Variants in NTM observed in about 807,000 individuals in gnomAD.
NTM encodes neurotrimin.
In NTM, 13 loss-of-function variants were observed where a neutral mutation model predicts 42.1. That is an observed-to-expected ratio of 0.31 (90% CI 0.20 to 0.49). The LOEUF is 0.49. Among genes scored for constraint, NTM ranks in the 20% least tolerant of loss-of-function variants. NTM has a pLI of 0.99. For synonymous variants in NTM, 187 were observed against 179.2 expected (o/e 1.04, Z -0.35); for missense variants, 373 against 452.8 (o/e 0.82, Z 1.60).
At chr11:131,935,932 C>T (rs1205687355) in intron 2 of NTM, among the ~76,000 whole-genome samples, 1 of 152,052 alleles carries the variant, frequency 6.6e-6, no homozygotes, top group Admixed American at 6.6e-5. Flanking sequence ...CTTAAATCAG[C>T]ATTAAAGTAC....
At chr11:131,382,900 T>A (rs1035775124) in intron 1 of NTM, among the ~76,000 whole-genome samples, 10 of 152,042 alleles carry the variant, frequency 6.6e-5, no homozygotes, top group Non-Finnish European at 1.3e-4. Context: ...ATTCAATTAT[T>A]GTGTTAGTTT....
At chr11:132,319,649 C>T (rs1409360202) in intron 7 of NTM, among the ~76,000 whole-genome samples, 1 of 152,260 alleles carries the variant, frequency 6.6e-6, no homozygotes, top group Non-Finnish European at 1.5e-5. Flanking sequence ...GAGCCCACCA[C>T]AGCTCCAGGA....
chr11:132,118,454 T>C (rs1279388121), intron 2 of NTM, among the ~76,000 whole-genome samples: 2 of 152,218 alleles, frequency 1.3e-5, no homozygotes, highest in African/African-American at 2.4e-5. Flanking sequence ...ATCTTGACTT[T>C]GCAAGGAAGA....
chr11:131,677,728 G>T (rs1180573631), intron 1 of NTM, among the ~76,000 whole-genome samples: 1 of 152,216 alleles, frequency 6.6e-6, no homozygotes, highest in African/African-American at 2.4e-5. Flanking sequence ...CAGAGATAGA[G>T]TTTCAGAGAG....
At chr11:131,874,399 C>CAA (rs200522565) in intron 1 of NTM, among the ~76,000 whole-genome samples, 1 of 151,608 alleles carries the variant, frequency 6.6e-6, no homozygotes, top group African/African-American at 2.4e-5. Context: ...TTTTTAAAAA[C>CAA]AAAAAAACCA....
At chr11:131,907,942 G>A (rs1291791811) in intron 1 of NTM, among the ~76,000 whole-genome samples, 1 of 152,194 alleles carries the variant, frequency 6.6e-6, no homozygotes. Flanking sequence ...TAGCCGGTTT[G>A]AATAAAATGG....
intron 1 of NTM, among the ~76,000 whole-genome samples, chr11:131,689,713 C>T (rs1161556720): frequency 6.6e-6 from 1 of 152,156 alleles, no homozygotes; most frequent in African/African-American, 2.4e-5. Flanking sequence ...TCCTCTCTGT[C>T]CCATCTCCCC....
At chr11:131,737,712 A>G (rs1205839404) in intron 1 of NTM, among the ~76,000 whole-genome samples, 1 of 152,018 alleles carries the variant, frequency 6.6e-6, no homozygotes, top group Non-Finnish European at 1.5e-5. Context: ...TGCCTCTGCA[A>G]ATATCTTCCG....
Position 131,706,999 on chromosome 11 carries a change from AAATTTTACTTTTT to A in NTM, c.83-204561_83-204549del, listed in dbSNP as rs547662126. The stretch of plus-strand genomic sequence containing the variant: ...TCATTTCTTTGTGATGATAACTTTT[AAATTTTACTTTTT>A]AATAACTTCAAAATATACATTATTA... On this transcript the variant is annotated intron_variant, in intron 1 of 8. Transcript: ENST00000683400. Among the ~76,000 whole-genome samples the A allele has an allele frequency of 2.4e-3, 364 of 152,096 alleles. 1 individual carries two copies. Among genetic ancestry groups the A allele is most frequent in the African/African-American group, 8.1e-3 (337 of 41,538 alleles).
At chr11:131,689,031 C>T (rs974035910) in intron 1 of NTM, among the ~76,000 whole-genome samples, 3 of 151,358 alleles carry the variant, frequency 2.0e-5, no homozygotes, top group African/African-American at 7.4e-5. Context: ...TTTACACGTG[C>T]ATGCCTTCAG....
rs963100816 is a variant in NTM at position 131,479,959 on chromosome 11, C to T, written c.82+109071C>T. 1.3e-5 allele frequency among the ~76,000 whole-genome samples: 2 copies of T among 151,984 alleles called. 1 individual carries two copies. The highest frequency in any genetic ancestry group is 4.2e-4 in the South Asian group (2 of 4,818). On this transcript the variant is annotated intron_variant, in intron 1 of 8. Transcript: ENST00000683400. ...AAAATATCAAAATTTCAAATAGAGG[C>T]AGGATCAGTATTACTGATTTTTCCT...
chr11:131,927,547 T>C (rs2058098795), intron 2 of NTM, among the ~76,000 whole-genome samples: 1 of 152,222 alleles, frequency 6.6e-6, no homozygotes, highest in South Asian at 2.1e-4. Context: ...TATGGTCACC[T>C]TCCTCTGGAA....
At chr11:131,838,233 C>T (rs1378751603) in intron 1 of NTM, among the ~76,000 whole-genome samples, 1 of 152,140 alleles carries the variant, frequency 6.6e-6, no homozygotes, top group Non-Finnish European at 1.5e-5. Flanking sequence ...TCAGTGATCA[C>T]TCATCCCGGA....
intron 1 of NTM, among the ~76,000 whole-genome samples, chr11:131,562,698 T>A (rs558248644): frequency 6.6e-6 from 1 of 152,194 alleles, no homozygotes; most frequent in Non-Finnish European, 1.5e-5. Flanking sequence ...AAGGCTAACA[T>A]AGAGGTTAGA....
chr11:132,119,615 AT>A (rs1355915732), intron 2 of NTM, among the ~76,000 whole-genome samples: 1 of 152,218 alleles, frequency 6.6e-6, no homozygotes, highest in African/African-American at 2.4e-5. Flanking sequence ...AATGCATTAA[AT>A]TGTTTGCCTT....
chr11:131,662,737 G>T (rs2068301816), intron 1 of NTM, among the ~76,000 whole-genome samples: 1 of 152,134 alleles, frequency 6.6e-6, no homozygotes, highest in Non-Finnish European at 1.5e-5. Context: ...TTTCTGCATA[G>T]TGTAGGCATT....
chr11:131,778,685 C>A (rs1460608348), intron 1 of NTM, among the ~76,000 whole-genome samples: 2 of 152,204 alleles, frequency 1.3e-5, no homozygotes, highest in Non-Finnish European at 2.9e-5. Flanking sequence ...ACTTTAGTCT[C>A]ATTCTATCTT....
chr11:131,550,566 C>T (rs1271933570), intron 1 of NTM, among the ~76,000 whole-genome samples: 10 of 152,194 alleles, frequency 6.6e-5, no homozygotes, highest in Non-Finnish European at 1.5e-4. Flanking sequence ...TCTTCCCCTT[C>T]GCCTTCTGCC....
At chr11:132,056,446 G>T (rs1251222437) in intron 2 of NTM, among the ~76,000 whole-genome samples, 1 of 152,204 alleles carries the variant, frequency 6.6e-6, no homozygotes, top group East Asian at 1.9e-4. Flanking sequence ...TAGATCATCT[G>T]CCATATCACC....
Sources: gnomAD v4.1 joint callset for allele counts (sites outside exome capture counted in the v4.1 genomes callset) on GRCh38, gnomAD v4.1.1 for gene constraint, MANE v1.5 for transcripts, NCBI Gene and HGNC (gene_info 2026-07-23, HGNC 2026-07-21) for gene names.